GNB1L: variants seen among roughly 807,000 people sequenced by gnomAD.
The protein encoded by GNB1L is G protein subunit beta 1 like.
Under a neutral mutation model 29.1 loss-of-function variants are expected in GNB1L, and 20 were observed. The observed-to-expected ratio is 0.69, with a 90% CI of 0.48 to 1.00. The LOEUF is 1.00. GNB1L is among the 50% of genes least tolerant of loss of function. The pLI, the probability that GNB1L is intolerant of heterozygous loss-of-function variation, is 0.00. For missense variants in GNB1L, 421 were observed against 464.9 expected (o/e 0.91, Z 0.87); for synonymous variants, 193 against 206.5 (o/e 0.93, Z 0.56).
chr22:19,819,823 G>C (rs1032668808), intron 4 of GNB1L, among the ~76,000 whole-genome samples: 2 of 152,126 alleles, frequency 1.3e-5, no homozygotes, highest in Non-Finnish European at 2.9e-5. Flanking sequence ...AGACACTGCA[G>C]GGGGGACCAG....
intron 2 of GNB1L, chr22:19,848,521 A>G (rs998376891): frequency 2.0e-6 from 2 of 985,392 alleles, no homozygotes; most frequent in African/African-American, 3.5e-5. Flanking sequence ...GCCATGCCAG[A>G]GTCCATCGTT....
intron 4 of GNB1L, among the ~76,000 whole-genome samples, chr22:19,813,349 G>A (rs1569044724): frequency 2.0e-5 from 3 of 152,164 alleles, no homozygotes; most frequent in South Asian, 4.1e-4. Context: ...ACCAAGAGGA[G>A]TCTCAAGCAT....
chr22:19,843,352 G>A (rs1937894760), intron 2 of GNB1L, among the ~76,000 whole-genome samples: 1 of 152,264 alleles, frequency 6.6e-6, no homozygotes. Flanking sequence ...GGCGGGCAGG[G>A]AGGCAGCGGC....
At chr22:19,821,899 C>T (rs756405698) in intron 2 of GNB1L, among the ~76,000 whole-genome samples, 15 of 152,198 alleles carry the variant, frequency 9.9e-5, no homozygotes, top group Non-Finnish European at 2.2e-4. Context: ...GGCTGAGTCC[C>T]GCCCTCTGTC....
chr22:19,788,987 C>A, intron 7 of GNB1L, 27 bp from the exon 8 acceptor site: 2 of 1,576,506 alleles, frequency 1.3e-6, no homozygotes, highest in Non-Finnish European at 1.7e-6. Flanking sequence ...AGGTGTTAGG[C>A]CACTCCTTAA....
chr22:19,808,504 C>G (rs1274204426), intron 5 of GNB1L, among the ~76,000 whole-genome samples: 1 of 152,138 alleles, frequency 6.6e-6, no homozygotes, highest in African/African-American at 2.4e-5. Context: ...AAATGGTAAG[C>G]AGGAGGGTAA....
At chr22:19,838,274 A>C (rs887984718) in intron 2 of GNB1L, among the ~76,000 whole-genome samples, 1 of 152,180 alleles carries the variant, frequency 6.6e-6, no homozygotes, top group Non-Finnish European at 1.5e-5. Flanking sequence ...CATTAGGGAA[A>C]TGCAACTTAT....
At position 19,806,744 on chromosome 22, in the gene GNB1L, T is replaced by C; in HGVS notation, c.431A>G (p.Glu144Gly). 2 of 1,612,228 alleles carry C rather than the reference T, an allele frequency of 1.2e-6. No homozygotes were observed. The highest frequency in any genetic ancestry group is 1.7e-6 in the Non-Finnish European group (2 of 1,178,518). The change falls in exon 6 of 8, where the codon GAG (glutamate) becomes GGG (glycine). Residue 144 changes from glutamate (E) to glycine (G), a missense_variant. Coordinates refer to ENST00000329517, the MANE Select transcript of GNB1L (RefSeq NM_053004.3). Reference protein sequence around the residue: ...GRGSDEVQILEMPSKTSVCAL... With the variant: ...GRGSDEVQILGMPSKTSVCAL... ...GCACACTGACGTCTTGGAGGGCATC[T>C]CCAGAATCTGAACCTGACAGTAAGA...
At chr22:19,805,428 A>G (rs970830667) in intron 6 of GNB1L, among the ~76,000 whole-genome samples, 1 of 152,248 alleles carries the variant, frequency 6.6e-6, no homozygotes, top group Admixed American at 6.5e-5. Context: ...AGAGGCAGCG[A>G]GCCAGAGTCA....
chr22:19,844,695 C>A (rs1201960241), intron 2 of GNB1L, among the ~76,000 whole-genome samples: 3 of 152,158 alleles, frequency 2.0e-5, no homozygotes, highest in East Asian at 3.9e-4. Flanking sequence ...AGGAGCGGGT[C>A]CCAGGAGCCT....
intron 2 of GNB1L, chr22:19,847,024 C>T (rs562330719): frequency 8.2e-4 from 810 of 985,482 alleles, no homozygotes; most frequent in Non-Finnish European, 8.9e-4. Flanking sequence ...ATACTGAGCA[C>T]CCCAGCCCAT....
intron 4 of GNB1L, among the ~76,000 whole-genome samples, chr22:19,815,750 T>A (rs140329969): frequency 0.029 from 4,479 of 152,010 alleles, 218 homozygotes; most frequent in African/African-American, 0.1. Context: ...CCCAGCTAAT[T>A]TTTGTATTTT....
intron 7 of GNB1L, among the ~76,000 whole-genome samples, chr22:19,800,864 C>G (rs1215204882): frequency 6.6e-6 from 1 of 152,228 alleles, no homozygotes; most frequent in East Asian, 1.9e-4. Context: ...CCACCATGTG[C>G]TTCAAAGACT....
Position 19,783,239 on chromosome 22 carries a change from T to C in GNB1L, c.*5470A>G, listed in dbSNP as rs374871479. ...TTATGCTGCTCTGTTTGAGGTGGTT[T>C]ATTAATGTAGCAAGAGATAATGGCA... On this transcript the variant is annotated 3_prime_UTR_variant, in exon 8 of 8. Transcript: ENST00000329517. 46 of 572,048 alleles carry C rather than the reference T, an allele frequency of 8.0e-5. No homozygotes were observed. The highest frequency in any genetic ancestry group is 6.9e-4 in the African/African-American group (37 of 53,568). The allele number at this position is 572,048 out of a possible 1,614,324, so 35.4% of individuals were successfully genotyped here.
chr22:19,783,555 G>A lies in GNB1L; in HGVS notation c.*5154C>T. 1 of 173,340 alleles carries A rather than the reference G, an allele frequency of 5.8e-6. No homozygotes were observed. The highest frequency in any genetic ancestry group is 1.2e-5 in the Non-Finnish European group (1 of 81,016). 10.7% of individuals were successfully genotyped at this position (173,340 alleles called of 1,614,324 possible). ...ACAGAGTGAGACCCCCACTGTCCCT[G>A]GTCTCTTAAAAGAAAAAACAAACAA... On this transcript the variant is annotated 3_prime_UTR_variant, in exon 8 of 8. Transcript: ENST00000329517.
chr22:19,847,309 G>C, intron 2 of GNB1L: 1 of 984,962 alleles, frequency 1.0e-6, no homozygotes, highest in Non-Finnish European at 1.2e-6. Flanking sequence ...AGCACAATCT[G>C]GCTCATGCTG....
chr22:19,851,089 G>A (rs1938082643), intron 2 of GNB1L: 1 of 1,488,462 alleles, frequency 6.7e-7, no homozygotes. Flanking sequence ...ACTCTGCTCT[G>A]ACTGGGGACT....
At chr22:19,818,138 C>T (rs544308864) in intron 4 of GNB1L, among the ~76,000 whole-genome samples, 3 of 152,242 alleles carry the variant, frequency 2.0e-5, no homozygotes, top group African/African-American at 4.8e-5. Context: ...CCCCCTGACC[C>T]GTGGCTGGCT....
In GNB1L at chr22:19,806,303, G is replaced by C. The variant is rs563256129; in HGVS notation, c.516+356C>G. ...GCAGTTAGTCAGCGTGGCCTGCCCT[G>C]CCCTAAGCACGGCCCAAGTACTGAG... On this transcript the variant is annotated intron_variant, in intron 6 of 7. Coordinates refer to ENST00000329517, the MANE Select transcript of GNB1L (RefSeq NM_053004.3). 5.9e-5 allele frequency among the ~76,000 whole-genome samples: 9 copies of C among 152,342 alleles called. No individual in the cohort carries two copies. In the South Asian group the frequency reaches 1.7e-3, roughly 28 times the overall value.
Sources: gnomAD v4.1 joint callset for allele counts (sites outside exome capture counted in the v4.1 genomes callset) on GRCh38, gnomAD v4.1.1 for gene constraint, MANE v1.5 for transcripts, NCBI Gene and HGNC (gene_info 2026-07-23, HGNC 2026-07-21) for gene names.